PPARGC1A: variants seen among roughly 807,000 people sequenced by gnomAD.
PPARGC1A encodes the protein PPARG coactivator 1 alpha, also known as peroxisome proliferator-activated receptor gamma coactivator 1-alpha.
PPARGC1A carries 25 observed loss-of-function variants against 88.7 expected under a neutral mutation model. The observed-to-expected ratio is 0.28, with a 90% CI of 0.21 to 0.39. The LOEUF is 0.39. PPARGC1A is among the 10% of genes least tolerant of loss of function. The pLI is 1.00. For synonymous variants in PPARGC1A, 363 were observed against 355.6 expected (o/e 1.02, Z -0.24); for missense variants, 880 against 968.7 (o/e 0.91, Z 1.22).
the PPARGC1A span, among the ~76,000 whole-genome samples, chr4:24,116,879 T>C: frequency 6.6e-6 from 1 of 152,186 alleles, no homozygotes; most frequent in Non-Finnish European, 1.5e-5. Flanking sequence ...GATTCAGTTA[T>C]GTCCTTTGGT....
chr4:24,121,070 G>A, the PPARGC1A span, among the ~76,000 whole-genome samples: 1 of 152,184 alleles, frequency 6.6e-6, no homozygotes, highest in Non-Finnish European at 1.5e-5. Flanking sequence ...TTCCTCATCT[G>A]AAAAACAGGG....
At chr4:24,232,756 A>C in the PPARGC1A span, among the ~76,000 whole-genome samples, 960 of 152,358 alleles carry the variant, frequency 6.3e-3, 19 homozygotes, top group East Asian at 0.088. Context: ...ACAGGATCAA[A>C]CAAAAGCCTC....
the PPARGC1A span, among the ~76,000 whole-genome samples, chr4:24,191,648 G>A: frequency 6.6e-6 from 1 of 151,952 alleles, no homozygotes. Context: ...CCTGAGTTAT[G>A]GAGCTTTAAA....
the PPARGC1A span, among the ~76,000 whole-genome samples, chr4:24,191,365 C>T: frequency 6.6e-6 from 1 of 152,188 alleles, no homozygotes; most frequent in South Asian, 2.1e-4. Context: ...TAAACTGAGG[C>T]TCATGGAGGC....
intron 7 of PPARGC1A, among the ~76,000 whole-genome samples, chr4:23,820,840 T>C (rs944341065): frequency 6.6e-6 from 1 of 152,036 alleles, no homozygotes; most frequent in Non-Finnish European, 1.5e-5. Flanking sequence ...CACTTAAACA[T>C]TTGGAAAATT....
the PPARGC1A span, among the ~76,000 whole-genome samples, chr4:24,244,773 C>T: frequency 2.0e-5 from 3 of 152,156 alleles, no homozygotes; most frequent in Admixed American, 1.3e-4. Context: ...CAGACAGCCC[C>T]CACAACAAAG....
At chr4:24,455,802 C>T in the PPARGC1A span, among the ~76,000 whole-genome samples, 10 of 152,204 alleles carry the variant, frequency 6.6e-5, no homozygotes, top group Admixed American at 5.2e-4. Context: ...TGATGCAACA[C>T]GAAGGCCCTC....
chr4:23,974,133 C>A, the PPARGC1A span, among the ~76,000 whole-genome samples: 139 of 152,140 alleles, frequency 9.1e-4, no homozygotes, highest in African/African-American at 3.2e-3. Flanking sequence ...ATTAGTTGCA[C>A]CATGTCCAAT....
chr4:23,869,920 A>G (rs1712918382), intron 2 of PPARGC1A, among the ~76,000 whole-genome samples: 1 of 152,204 alleles, frequency 6.6e-6, no homozygotes, highest in South Asian at 2.1e-4. Flanking sequence ...GTAGCCAAAA[A>G]GCTTTACTAT....
the PPARGC1A span, among the ~76,000 whole-genome samples, chr4:24,375,532 T>C: frequency 1.3e-5 from 2 of 152,168 alleles, no homozygotes; most frequent in African/African-American, 2.4e-5. Context: ...GATCCATCAT[T>C]TGTGCATCAA....
the PPARGC1A span, among the ~76,000 whole-genome samples, chr4:24,140,439 C>A: frequency 3.5e-3 from 535 of 152,206 alleles, 2 homozygotes; most frequent in African/African-American, 0.012. Flanking sequence ...GATTTTGTGA[C>A]CGGGTCATTG....
At chr4:24,229,719 C>G in the PPARGC1A span, among the ~76,000 whole-genome samples, 1 of 151,738 alleles carries the variant, frequency 6.6e-6, no homozygotes, top group Non-Finnish European at 1.5e-5. Flanking sequence ...GTGGCACATG[C>G]CTGTAATCCG....
chr4:23,960,993 C>A, the PPARGC1A span, among the ~76,000 whole-genome samples: 2 of 152,188 alleles, frequency 1.3e-5, no homozygotes, highest in South Asian at 4.1e-4. Context: ...TATGTTTTAA[C>A]TTAGCTAAGT....
At chr4:24,135,220 G>T in the PPARGC1A span, among the ~76,000 whole-genome samples, 1 of 152,138 alleles carries the variant, frequency 6.6e-6, no homozygotes, top group Admixed American at 6.5e-5. Flanking sequence ...ATTTAAATGG[G>T]AATGCAGAGG....
chr4:24,291,024 C>G, the PPARGC1A span, among the ~76,000 whole-genome samples: 3 of 152,216 alleles, frequency 2.0e-5, 1 homozygote, highest in Middle Eastern at 3.4e-3. Flanking sequence ...TCTTATGCAC[C>G]CCATTCACCC....
chr4:24,057,383 G>A, the PPARGC1A span, among the ~76,000 whole-genome samples: 1 of 151,442 alleles, frequency 6.6e-6, no homozygotes, highest in East Asian at 2.0e-4. Flanking sequence ...GATGGATTGT[G>A]GTGATGGTTA....
the PPARGC1A span, among the ~76,000 whole-genome samples, chr4:24,191,387 G>A: frequency 6.6e-6 from 1 of 152,178 alleles, no homozygotes; most frequent in African/African-American, 2.4e-5. Flanking sequence ...ATTCGCAAAA[G>A]GTTACATGAC....
chr4:24,176,397 CA>C, the PPARGC1A span, among the ~76,000 whole-genome samples: 1 of 151,800 alleles, frequency 6.6e-6, no homozygotes, highest in Non-Finnish European at 1.5e-5. Context: ...TGCCACACAA[CA>C]AAAAAGTGTA....
the PPARGC1A span, among the ~76,000 whole-genome samples, chr4:24,291,454 G>A: frequency 1.2e-5 from 1 of 83,844 alleles, no homozygotes; most frequent in Non-Finnish European, 2.2e-5. Flanking sequence ...GCTCATGGCT[G>A]CCATTCACTG....
Sources: allele counts gnomAD v4.1 joint callset (sites outside exome capture counted in the v4.1 genomes callset), GRCh38; gene constraint gnomAD v4.1.1; transcripts MANE v1.5; gene names NCBI Gene and HGNC (gene_info 2026-07-23, HGNC 2026-07-21).